Variants in EVC observed in about 807,000 individuals in gnomAD.
EVC encodes evC complex member EVC.
EVC carries 116 observed loss-of-function variants against 118.9 expected under a neutral mutation model. That is an observed-to-expected ratio of 0.98 (90% confidence interval 0.84 to 1.14). The LOEUF (loss-of-function observed/expected upper bound fraction) is 1.14. Ranked by LOEUF, EVC falls within the 50% of genes most tolerant of loss-of-function variation. The pLI is 0.00. For synonymous variants in EVC, 619 were observed against 534.7 expected, an observed-to-expected ratio of 1.16 and a Z score of -2.18; for missense variants, 1,401 against 1,246.4, an observed-to-expected ratio of 1.12 and a Z score of -1.87.
At chr4:5,753,652 C>A in intron 9 of EVC, 133 bp from the exon 10 acceptor site, 1 of 1,176,706 alleles carries the variant, frequency 8.5e-7, no homozygotes, top group Non-Finnish European at 1.3e-6. Flanking sequence ...AGGTGTGTCA[C>A]CAGCAGGGCG....
chr4:5,805,135 CCT>C (rs1171555457), intron 17 of EVC, among the ~76,000 whole-genome samples: 5 of 152,096 alleles, frequency 3.3e-5, no homozygotes, highest in Non-Finnish European at 7.4e-5. Context: ...ACGCGCCTAC[CCT>C]CTCATACTTT....
chr4:5,783,107 AGT>A (rs1209651036), intron 11 of EVC, among the ~76,000 whole-genome samples: 1 of 151,428 alleles, frequency 6.6e-6, no homozygotes, highest in Non-Finnish European at 1.5e-5. Flanking sequence ...TGTGTGTAGG[AGT>A]GTGTCTATGT....
rs554652889 is a variant in EVC at position 5,811,678 on chromosome 4, G to A, written c.*641G>A. ...CATCTGGAGAGAAGCTTCCAGACCAGCCCTTCACACACCACAGCCAGGAGG... is the reference window on the plus strand; with the variant it reads ...CATCTGGAGAGAAGCTTCCAGACCAACCCTTCACACACCACAGCCAGGAGG... On this transcript the variant is annotated 3_prime_UTR_variant, in exon 21 of 21. Transcript: ENST00000264956. 6.2e-6 allele frequency: 1 copy of A among 161,520 alleles called. No homozygotes were observed. The highest frequency in any genetic ancestry group is 1.8e-4 in the South Asian group (1 of 5,616). The allele number at this position is 161,520 out of a possible 1,614,324, so 10.0% of individuals were successfully genotyped here. A position where few individuals can be genotyped will look rare whatever the true frequency, so the allele number is the denominator to read the frequency against.
chr4:5,783,679 A>G lies in EVC; in HGVS notation c.1691A>G (p.Asn564Ser), dbSNP rs1278366226. Residue 564 changes from asparagine to serine, a missense_variant, in exon 12 of 21, where the codon AAC (asparagine) becomes AGC (serine). By Grantham distance (46) the Asn-to-Ser change is conservative. Coordinates refer to ENST00000264956, the MANE Select transcript of EVC (RefSeq NM_153717.3). Reference protein sequence around the residue: ...CDYLRQEVQENAAWQLGKSNR... With the variant: ...CDYLRQEVQESAAWQLGKSNR... ...TACTTGAGGCAGGAAGTCCAGGAGA[A>G]CGCTGCCTGGCAGCTGGGGAAGTCA... 1.2e-6 allele frequency: 2 copies of G among 1,614,008 alleles called. No individual in the cohort carries two copies. Among genetic ancestry groups the G allele is most frequent in the South Asian group, 2.2e-5 (2 of 91,068 alleles).
At position 5,809,376 on chromosome 4, in the gene EVC, T is replaced by C. The variant is rs1402877179; in HGVS notation, c.2689-142T>C. ...CCTCCTGCTCCTCTCCTCTCTGGGATGTATGTTGGAAAATTCTCCTCCACA... is the reference window on the plus strand; with the variant it reads ...CCTCCTGCTCCTCTCCTCTCTGGGACGTATGTTGGAAAATTCTCCTCCACA... On this transcript the variant is annotated intron_variant, in intron 18 of 20. Transcript: ENST00000264956. 5.5e-6 allele frequency: 4 copies of C among 730,450 alleles called. No individual in the cohort carries two copies. The East Asian group carries it at 1.1e-4, about 19-fold the overall frequency. The allele number at this position is 730,450 out of a possible 1,614,324, so 45.2% of individuals were successfully genotyped here.
At chr4:5,797,389 G>C in intron 14 of EVC, 157 bp downstream of exon 14, 1 of 687,018 alleles carries the variant, frequency 1.5e-6, no homozygotes, top group South Asian at 1.6e-5. Flanking sequence ...AGGTCCCACA[G>C]ACCGGGCAGC....
chr4:5,811,051 G>A lies in EVC; in HGVS notation c.*14G>A, dbSNP rs2291151. 0.6 allele frequency: 964,603 copies of A among 1,600,302 alleles called. 294,057 individuals are homozygous for A. The highest frequency in any genetic ancestry group is 0.63 in the African/African-American group (46,762 of 74,492). On this transcript the variant is annotated 3_prime_UTR_variant, in exon 21 of 21. Coordinates refer to ENST00000264956, the MANE Select transcript of EVC (RefSeq NM_153717.3). ...AGCAACTTGTAGTTTAAGACCAGTCGGTGGGACAAGACCTGAAGCCCTGGG... is the reference window on the plus strand; with the variant it reads ...AGCAACTTGTAGTTTAAGACCAGTCAGTGGGACAAGACCTGAAGCCCTGGG...
intron 1 of EVC, among the ~76,000 whole-genome samples, 180 bp downstream of exon 1, chr4:5,711,734 G>T (rs1310090405): frequency 1.3e-5 from 2 of 152,194 alleles, no homozygotes; most frequent in African/African-American, 4.8e-5. Context: ...GTGACTAAAG[G>T]GCATTGGCCT....
chr4:5,828,055 C>T, the EVC span: 2 of 985,298 alleles, frequency 2.0e-6, no homozygotes, highest in Non-Finnish European at 2.4e-6. Flanking sequence ...TGCAAGATGC[C>T]AGGGGTAACA....
chr4:5,767,188 GGA>G, intron 11 of EVC, among the ~76,000 whole-genome samples: 1 of 152,048 alleles, frequency 6.6e-6, no homozygotes, highest in Admixed American at 6.5e-5. Context: ...CCTGGGCTGG[GGA>G]TGCCTCCCAG....
At chr4:5,800,485 G>A (rs1198740115) in intron 15 of EVC, among the ~76,000 whole-genome samples, 1 of 152,186 alleles carries the variant, frequency 6.6e-6, no homozygotes, top group Non-Finnish European at 1.5e-5. Flanking sequence ...AGACTGGCCA[G>A]AAAAAAACTG....
In EVC at chr4:5,756,178, T is replaced by G; in HGVS notation, c.1465-86T>G. 2.0e-6 allele frequency: 2 copies of G among 1,013,098 alleles called. No individual in the cohort carries two copies. Among genetic ancestry groups the G allele is most frequent in the Non-Finnish European group, 3.0e-6 (2 of 663,004 alleles). The allele number at this position is 1,013,098 out of a possible 1,614,324, so 62.8% of individuals were successfully genotyped here. A position where few individuals can be genotyped will look rare whatever the true frequency, so the allele number is the denominator to read the frequency against. On this transcript the variant is annotated intron_variant, in intron 10 of 20. Coordinates refer to ENST00000264956, the MANE Select transcript of EVC (RefSeq NM_153717.3). This position sits in a 1 kb window ranked among gnomAD's most constrained non-coding sequence, Gnocchi z 4.2. ...CAACATCCTTCTTTCTAACCTGAGA[T>G]GCAGGGGATGGTTGGAGAACCTTCT...
chr4:5,720,799 G>T (rs901704736), intron 2 of EVC, among the ~76,000 whole-genome samples: 1 of 152,208 alleles, frequency 6.6e-6, no homozygotes, highest in African/African-American at 2.4e-5. Context: ...TTTACCGTTG[G>T]TAATTATTAT....
chr4:5,729,433 T>A, intron 3 of EVC, 43 bp downstream of exon 3: 2 of 1,564,804 alleles, frequency 1.3e-6, no homozygotes, highest in Non-Finnish European at 1.8e-6. Context: ...GTTACTTCCG[T>A]CATGTGCCAG....
At position 5,731,390 on chromosome 4, in the gene EVC, A is replaced by G. The variant is rs1334427159; in HGVS notation, c.385-35A>G. 6.7e-7 allele frequency: 1 copy of G among 1,489,602 alleles called. No homozygotes were observed. Among genetic ancestry groups the G allele is most frequent in the Admixed American group, 1.7e-5 (1 of 59,788 alleles). The allele number at this position is 1,489,602 out of a possible 1,614,324, so 92.3% of individuals were successfully genotyped here. The stretch of plus-strand genomic sequence containing the variant: ...TACTAGATCAAATCCCAGAGGCATC[A>G]CATGGACTGAGTGTGACTCCTACTG... On this transcript the variant is annotated intron_variant, in intron 3 of 20. Transcript: ENST00000264956. The surrounding 1 kb of genome is among the most constrained non-coding windows in gnomAD (Gnocchi z 5.6).
rs1372057541 is a variant in EVC at position 5,789,189 on chromosome 4, C to G, written c.1777-4419C>G. Among the ~76,000 whole-genome samples, 1 of 152,218 alleles carries G rather than the reference C, an allele frequency of 6.6e-6. No individual in the cohort carries two copies. The highest frequency in any genetic ancestry group is 1.5e-5 in the Non-Finnish European group (1 of 68,042). On this transcript the variant is annotated intron_variant, in intron 12 of 20. Coordinates refer to ENST00000264956, the MANE Select transcript of EVC (RefSeq NM_153717.3). This position sits in a 1 kb window ranked among gnomAD's most constrained non-coding sequence, Gnocchi z 4.3. ...AACACTAAGTCACATCGTGTTGCTT[C>G]TCTGCAGAACCCCCAATGGCTTCTC...
In EVC at chr4:5,798,926, C is replaced by T. The variant is rs912360042; in HGVS notation, c.2304+134C>T. On this transcript the variant is annotated intron_variant, in intron 15 of 20. Coordinates refer to ENST00000264956, the MANE Select transcript of EVC (RefSeq NM_153717.3). The surrounding 1 kb of genome is among the most constrained non-coding windows in gnomAD (Gnocchi z 4.1). ...TAGACTTTGCCTGACTTCTCCATGA[C>T]TTGATTTTCTCATCTGTAAGGTGGG... The T allele has an allele frequency of 1.0e-6, 1 of 963,536 alleles. No individual in the cohort carries two copies. Among genetic ancestry groups the T allele is most frequent in the African/African-American group, 1.6e-5 (1 of 62,032 alleles). The allele number at this position is 963,536 out of a possible 1,614,324, so 59.7% of individuals were successfully genotyped here. A position where few individuals can be genotyped will look rare whatever the true frequency, so the allele number is the denominator to read the frequency against.
At position 5,750,572 on chromosome 4, in the gene EVC, A is replaced by T. The variant is rs183238119; in HGVS notation, c.1099-2264A>T. Among the ~76,000 whole-genome samples the T allele has an allele frequency of 3.1e-3, 465 of 152,336 alleles. 5 individuals are homozygous for T. Among genetic ancestry groups the T allele is most frequent in the African/African-American group, 0.011 (445 of 41,566 alleles). On this transcript the variant is annotated intron_variant, in intron 8 of 20. Transcript: ENST00000264956. ...ACTCGTTAGCTGTGTGATCTTGGGC[A>T]GATAATTTAACCTCTCTGTGATTTG...
Position 5,756,483 on chromosome 4 carries a change from C to T in EVC, c.1563+121C>T, listed in dbSNP as rs746215078. The T allele has an allele frequency of 5.4e-5, 42 of 781,650 alleles. No homozygotes were observed. Among genetic ancestry groups the T allele is most frequent in the East Asian group, 1.3e-4 (5 of 37,328 alleles). The allele number at this position is 781,650 out of a possible 1,614,324, so 48.4% of individuals were successfully genotyped here. Reference sequence around the variant, plus strand: ...CAGGTCCAACCCCGCACTCATTGGCCGGTGATCCACGCAGGCTGTGTCCCC... The same window carrying T: ...CAGGTCCAACCCCGCACTCATTGGCTGGTGATCCACGCAGGCTGTGTCCCC... On this transcript the variant is annotated intron_variant, in intron 11 of 20. Transcript: ENST00000264956. The surrounding 1 kb of genome is among the most constrained non-coding windows in gnomAD (Gnocchi z 4.2).
Sources: allele counts gnomAD v4.1 joint callset (sites outside exome capture counted in the v4.1 genomes callset), GRCh38; gene constraint gnomAD v4.1.1; non-coding constraint Gnocchi (gnomAD v3.1); transcripts MANE v1.5; gene names NCBI Gene and HGNC (gene_info 2026-07-23, HGNC 2026-07-21).